Variants in SYT1 observed in about 807,000 individuals in gnomAD.
SYT1 encodes the protein synaptotagmin-1.
A neutral mutation model predicts 44.8 loss-of-function variants in SYT1; 8 were observed. That is an observed-to-expected ratio of 0.18 (90% CI 0.10 to 0.32). SYT1 has a LOEUF of 0.32. Among genes scored for constraint, SYT1 ranks in the 10% least tolerant of loss-of-function variants. The probability of loss-of-function intolerance (pLI) is 1.00; values close to 1 mark genes in which losing one functional copy is unlikely to be tolerated. For synonymous variants in SYT1, 154 were observed against 188.8 expected, an observed-to-expected ratio of 0.82 and a Z score of 1.51; for missense variants, 286 against 509.3, an observed-to-expected ratio of 0.56 and a Z score of 4.22.
chr12:79,018,317 G>T (rs973304987), intron 2 of SYT1, among the ~76,000 whole-genome samples: 1 of 148,554 alleles, frequency 6.7e-6, no homozygotes, highest in Non-Finnish European at 1.5e-5. Flanking sequence ...ACACAGGAAG[G>T]GGAACATCAC....
At chr12:79,129,161 T>G (rs896152772) in intron 3 of SYT1, among the ~76,000 whole-genome samples, 4 of 152,206 alleles carry the variant, frequency 2.6e-5, no homozygotes, top group Admixed American at 6.5e-5. Context: ...ACCAAAGGAC[T>G]GCAATAATTG....
intron 4 of SYT1, among the ~76,000 whole-genome samples, chr12:79,284,830 T>G (rs1276796092): frequency 2.3e-4 from 31 of 133,098 alleles, no homozygotes; most frequent in Non-Finnish European, 1.8e-4. Flanking sequence ...AGAGCGAGAC[T>G]CCATCTCAAA....
At chr12:79,224,342 T>C (rs1047764749) in intron 4 of SYT1, among the ~76,000 whole-genome samples, 23 of 152,158 alleles carry the variant, frequency 1.5e-4, no homozygotes, top group African/African-American at 5.3e-4. Context: ...AAAATATATA[T>C]TAATAAATGA....
At chr12:79,335,464 G>A (rs1298821295) in intron 8 of SYT1, among the ~76,000 whole-genome samples, 1 of 151,328 alleles carries the variant, frequency 6.6e-6, no homozygotes, top group African/African-American at 2.4e-5. Context: ...TGTTTGAAAA[G>A]GCAGTGGTTT....
intron 1 of SYT1, among the ~76,000 whole-genome samples, chr12:78,906,595 A>C (rs1305355484): frequency 3.3e-5 from 5 of 152,156 alleles, no homozygotes; most frequent in African/African-American, 7.2e-5. Context: ...ATGCGACAGC[A>C]TTCAAGTTGT....
intron 8 of SYT1, among the ~76,000 whole-genome samples, chr12:79,308,486 TACA>T (rs1880532287): frequency 7.2e-6 from 1 of 139,614 alleles, no homozygotes; most frequent in African/African-American, 2.7e-5. Context: ...CTGCAGCCTA[TACA>T]ACAAGAGCGA....
At chr12:78,996,557 T>C (rs779057424) in intron 2 of SYT1, among the ~76,000 whole-genome samples, 4 of 152,164 alleles carry the variant, frequency 2.6e-5, no homozygotes, top group Non-Finnish European at 5.9e-5. Flanking sequence ...GGGTATTCTT[T>C]AAGGTTCTTA....
chr12:79,221,158 A>G lies in SYT1; in HGVS notation c.166+3473A>G, dbSNP rs995426729. ...TATATTCTCTTGCTGAATTTTGACC[A>G]TTTTTATCATTATATAATGACCTTT... On this transcript the variant is annotated intron_variant, in intron 4 of 10. Coordinates refer to ENST00000261205, the MANE Select transcript of SYT1 (RefSeq NM_005639.3). Among the ~76,000 whole-genome samples, 91 of 152,112 alleles carry G rather than the reference A, an allele frequency of 6.0e-4. 1 individual carries two copies. The highest frequency in any genetic ancestry group is 2.1e-3 in the African/African-American group (87 of 41,430).
intron 3 of SYT1, among the ~76,000 whole-genome samples, chr12:79,209,803 A>G (rs1380763860): frequency 1.3e-5 from 2 of 152,220 alleles, no homozygotes; most frequent in African/African-American, 4.8e-5. Flanking sequence ...GAAAACTTGG[A>G]TGGAATAAAA....
At chr12:79,402,754 C>A (rs1490391437) in intron 9 of SYT1, among the ~76,000 whole-genome samples, 1 of 152,140 alleles carries the variant, frequency 6.6e-6, no homozygotes, top group Non-Finnish European at 1.5e-5. Context: ...TAATAAGACA[C>A]CATATCCATC....
chr12:79,339,172 G>A (rs1226001191), intron 8 of SYT1, among the ~76,000 whole-genome samples: 2 of 152,056 alleles, frequency 1.3e-5, no homozygotes, highest in Non-Finnish European at 2.9e-5. Flanking sequence ...ATAATCCTTT[G>A]GGTATATACC....
At chr12:78,879,369 T>C (rs1054949526) in intron 1 of SYT1, among the ~76,000 whole-genome samples, 32 of 151,754 alleles carry the variant, frequency 2.1e-4, no homozygotes, top group African/African-American at 7.0e-4. Context: ...ATTTGGAAGC[T>C]GAACAAAATC....
chr12:78,902,196 GTA>G (rs34023787), intron 1 of SYT1, among the ~76,000 whole-genome samples: 45,417 of 149,028 alleles, frequency 0.3, 7,254 homozygotes, highest in South Asian at 0.48. Context: ...TAATAAATAT[GTA>G]TATATATATA....
chr12:79,106,834 T>C (rs2138074860), intron 3 of SYT1, among the ~76,000 whole-genome samples: 1 of 152,218 alleles, frequency 6.6e-6, no homozygotes, highest in East Asian at 1.9e-4. Flanking sequence ...ACAAAGTCTT[T>C]TTTATCTGCT....
At chr12:79,044,052 C>G (rs375822696) in intron 2 of SYT1, among the ~76,000 whole-genome samples, 1 of 152,036 alleles carries the variant, frequency 6.6e-6, no homozygotes, top group South Asian at 2.1e-4. Flanking sequence ...CTCTGGCTGC[C>G]CTTAACATTT....
At chr12:78,865,623 T>C (rs980165251) in intron 1 of SYT1, among the ~76,000 whole-genome samples, 31 of 148,968 alleles carry the variant, frequency 2.1e-4, no homozygotes, top group Non-Finnish European at 3.6e-4. Flanking sequence ...TCAGAGCACA[T>C]AAAGCAATTA....
chr12:78,988,780 G>A (rs1211943353), intron 2 of SYT1, among the ~76,000 whole-genome samples: 3 of 152,046 alleles, frequency 2.0e-5, no homozygotes, highest in Non-Finnish European at 4.4e-5. Context: ...CCATTGGAGG[G>A]TTTTCAATAG....
intron 3 of SYT1, among the ~76,000 whole-genome samples, chr12:79,142,241 G>C (rs1869603707): frequency 6.6e-6 from 1 of 152,206 alleles, no homozygotes; most frequent in Non-Finnish European, 1.5e-5. Flanking sequence ...AAATTCCAAA[G>C]CGAGGGATCC....
At chr12:79,219,783 G>A (rs1020689741) in intron 4 of SYT1, among the ~76,000 whole-genome samples, 7 of 151,822 alleles carry the variant, frequency 4.6e-5, no homozygotes, top group Non-Finnish European at 1.0e-4. Context: ...ACTATATTTC[G>A]AAGTCAGGTA....
Sources: gnomAD v4.1 joint callset for allele counts (sites outside exome capture counted in the v4.1 genomes callset) on GRCh38, gnomAD v4.1.1 for gene constraint, MANE v1.5 for transcripts, NCBI Gene and HGNC (gene_info 2026-07-23, HGNC 2026-07-21) for gene names.